The following THOC2 variants were observed in gnomAD, a reference collection of about 807,000 sequenced individuals.
THOC2 encodes the protein THO complex 2.
In THOC2, 10 loss-of-function variants were observed where a neutral mutation model predicts 128.4. The observed-to-expected ratio is 0.08, with a 90% CI of 0.05 to 0.13. The LOEUF (loss-of-function observed/expected upper bound fraction) is 0.13, where lower values mean the gene tolerates loss of function less well. THOC2 is among the 10% of genes least tolerant of loss of function. The probability of loss-of-function intolerance (pLI) is 1.00; values close to 1 mark genes in which losing one functional copy is unlikely to be tolerated. For synonymous variants in THOC2, 393 were observed against 396.9 expected (o/e 0.99, Z 0.12); for missense variants, 535 against 1,155.7 (o/e 0.46, Z 7.79).
At chrX:123,670,543 C>T (rs2049233410) in intron 9 of THOC2, among the ~76,000 whole-genome samples, 1 of 112,512 alleles carries the variant, frequency 8.9e-6, no homozygotes, top group Non-Finnish European at 1.9e-5. Context: ...CACTTGAACC[C>T]AGGAGGCAGA....
chrX:123,639,244 A>G (rs1382464176), intron 16 of THOC2, among the ~76,000 whole-genome samples: 1 of 111,893 alleles, frequency 8.9e-6, no homozygotes, highest in Non-Finnish European at 1.9e-5. Context: ...ATATTTTCTT[A>G]GGCTACATTT....
intron 38 of THOC2, among the ~76,000 whole-genome samples, chrX:123,607,689 C>A (rs1239135375): frequency 9.1e-6 from 1 of 109,488 alleles, no homozygotes; most frequent in Admixed American, 9.8e-5. Flanking sequence ...TCTACCAACC[C>A]TCCTTAAAAA....
At chrX:123,676,041 G>A (rs2049477485) in intron 8 of THOC2, among the ~76,000 whole-genome samples, 2 of 112,436 alleles carry the variant, frequency 1.8e-5, no homozygotes, top group Non-Finnish European at 3.8e-5. Context: ...CTGGGCATGT[G>A]CCCAGCTCTG....
At chrX:123,671,883 T>C in intron 8 of THOC2, 122 bp from the exon 9 acceptor site, 1 of 354,093 alleles carries the variant, frequency 2.8e-6, no homozygotes, top group African/African-American at 2.6e-5. Context: ...AATGCTTCAC[T>C]GCTCTTCCTT....
In THOC2 at chrX:123,623,166, C is replaced by T; in HGVS notation, c.3621G>A (p.Gly1207=). 2 of 1,211,231 alleles carry T rather than the reference C, an allele frequency of 1.7e-6. No individual in the cohort carries two copies. The highest frequency in any genetic ancestry group is 1.8e-5 in the South Asian group (1 of 56,845). Residue 1207 remains glycine, a synonymous_variant, in exon 29 of 39, where the codon GGG becomes GGA. Coordinates refer to ENST00000245838, the MANE Select transcript of THOC2 (RefSeq NM_001081550.2). ...VASVQNGPGG[G]PSSSSIGSAS... ...CACTTCCTATTGATGATGAAGAAGG[C>T]CCACCACCAGGCCCATTTTGCACAC...
chrX:123,645,656 A>C (rs1440358063), intron 12 of THOC2, among the ~76,000 whole-genome samples: 1 of 112,695 alleles, frequency 8.9e-6, no homozygotes, highest in Non-Finnish European at 1.9e-5. Flanking sequence ...TTGATCTAAG[A>C]ATTTATTATA....
intron 8 of THOC2, among the ~76,000 whole-genome samples, chrX:123,683,281 C>A (rs1036556424): frequency 1.8e-5 from 2 of 110,286 alleles, no homozygotes; most frequent in Non-Finnish European, 3.8e-5. Flanking sequence ...TAGAATAATA[C>A]TAGCATTAAG....
chrX:123,630,404 G>A (rs2047428580), intron 22 of THOC2, among the ~76,000 whole-genome samples: 1 of 110,257 alleles, frequency 9.1e-6, no homozygotes. Context: ...CCTGAGGTCA[G>A]GAGTTTGAGA....
At chrX:123,704,421 T>C (rs2050841301) in intron 3 of THOC2, among the ~76,000 whole-genome samples, 1 of 111,834 alleles carries the variant, frequency 8.9e-6, no homozygotes, top group Non-Finnish European at 1.9e-5. Context: ...GGGTTTGGGT[T>C]TCTATCGAAT....
chrX:123,715,327 G>A (rs1314546735), intron 1 of THOC2, among the ~76,000 whole-genome samples: 6 of 110,082 alleles, frequency 5.5e-5, no homozygotes, highest in Non-Finnish European at 9.5e-5. Context: ...TGTGAGCCAC[G>A]GAGCCAGGCC....
At chrX:123,606,267 G>A (rs1324410730) in intron 38 of THOC2, among the ~76,000 whole-genome samples, 3 of 96,314 alleles carry the variant, frequency 3.1e-5, no homozygotes, top group Admixed American at 1.1e-4. Context: ...GTGAGACCTC[G>A]TCTCTACAAA....
Position 123,695,923 on chromosome X carries a change from A to C in THOC2, c.601+98T>G, listed in dbSNP as rs45441393. 3,237 of 570,956 alleles carry C rather than the reference A, an allele frequency of 5.7e-3. 14 individuals are homozygous for C. The highest frequency in any genetic ancestry group is 0.036 in the Middle Eastern group (66 of 1,814). 47.1% of individuals were successfully genotyped at this position (570,956 alleles called of 1,213,427 possible). On this transcript the variant is annotated intron_variant, in intron 7 of 38. Coordinates refer to ENST00000245838, the MANE Select transcript of THOC2 (RefSeq NM_001081550.2). ...TCCCATTCCTTAACTGAAAAAAAAA[A>C]TAGATGGAATGCACTCATTTTGTCT...
In THOC2 at chrX:123,706,329, CT is replaced by C. The variant is rs1328798818; in HGVS notation, c.222+528del. 4.5e-5 allele frequency among the ~76,000 whole-genome samples: 5 copies of C among 110,972 alleles called. No homozygotes were observed. The East Asian group carries it at 1.1e-3, about 25-fold the overall frequency. The stretch of plus-strand genomic sequence containing the variant: ...AGAGAAAAATATTTTAGCCAATTTA[CT>C]TTTTTAGAGTGGCATTTTTTATTAA... On this transcript the variant is annotated intron_variant, in intron 3 of 38. Coordinates refer to ENST00000245838, the MANE Select transcript of THOC2 (RefSeq NM_001081550.2).
Position 123,617,361 on chromosome X carries a change from T to C in THOC2, c.4311+2040A>G, listed in dbSNP as rs541045200. 9.0e-5 allele frequency among the ~76,000 whole-genome samples: 10 copies of C among 110,759 alleles called. No homozygotes were observed. In the South Asian group the frequency reaches 3.8e-3, roughly 42 times the overall value. On this transcript the variant is annotated intron_variant, in intron 33 of 38. Coordinates refer to ENST00000245838, the MANE Select transcript of THOC2 (RefSeq NM_001081550.2). ...TTTTTCTGGTTGCATGTGGAATAAA[T>C]TAATTAAATTTTAAAGGCCTGCAAA...
At chrX:123,654,908 A>G (rs546905421) in intron 12 of THOC2, among the ~76,000 whole-genome samples, 42 of 110,495 alleles carry the variant, frequency 3.8e-4, no homozygotes, top group African/African-American at 1.2e-3. Flanking sequence ...TACAGGACAC[A>G]CAAAAAATAT....
rs1286341228 is a variant in THOC2, at chrX:123,667,365, C to T, written c.1018-87G>A. Reference sequence around the variant, plus strand: ...TTGTCACTTAAAAAACTGACCTAAGCAACACATCAAAAATATTTGCTATTC... The same window carrying T: ...TTGTCACTTAAAAAACTGACCTAAGTAACACATCAAAAATATTTGCTATTC... On this transcript the variant is annotated intron_variant, in intron 10 of 38. Transcript: ENST00000245838. The T allele has an allele frequency of 2.8e-5, 17 of 606,600 alleles. No homozygotes were observed. The East Asian group carries it at 5.9e-4, about 21-fold the overall frequency. The allele number at this position is 606,600 out of a possible 1,213,427, so 50.0% of individuals were successfully genotyped here.
intron 33 of THOC2, among the ~76,000 whole-genome samples, chrX:123,617,651 T>C (rs980791433): frequency 8.9e-6 from 1 of 111,923 alleles, no homozygotes; most frequent in Non-Finnish European, 1.9e-5. Flanking sequence ...AGCACTGTTA[T>C]GAGCATGAAA....
chrX:123,626,207 C>T (rs748916473), intron 24 of THOC2, 138 bp from the exon 25 acceptor site: 30 of 455,087 alleles, frequency 6.6e-5, no homozygotes, highest in Non-Finnish European at 9.3e-5. Context: ...AACCAAATGT[C>T]ATGCCTGGTC....
intron 12 of THOC2, among the ~76,000 whole-genome samples, chrX:123,646,848 G>A (rs1277669794): frequency 9.0e-6 from 1 of 111,485 alleles, no homozygotes; most frequent in Non-Finnish European, 1.9e-5. Context: ...CACATAGGGT[G>A]TACATTGGGA....
Sources: gnomAD v4.1 joint callset for allele counts (sites outside exome capture counted in the v4.1 genomes callset) on GRCh38, gnomAD v4.1.1 for gene constraint, MANE v1.5 for transcripts, NCBI Gene and HGNC (gene_info 2026-07-23, HGNC 2026-07-21) for gene names.